Variants in NOXRED1 observed in about 807,000 individuals in gnomAD.
The protein encoded by NOXRED1 is NADP-dependent oxidoreductase domain-containing protein 1.
In NOXRED1, 20 loss-of-function variants were observed where a neutral mutation model predicts 30.4. That is an observed-to-expected ratio of 0.66 (90% CI 0.46 to 0.96). NOXRED1 has a LOEUF of 0.96. Among genes scored for constraint, NOXRED1 ranks in the 40% least tolerant of loss-of-function variants. The pLI, the probability that NOXRED1 is intolerant of heterozygous loss-of-function variation, is 0.00. For missense variants in NOXRED1, 374 were observed against 428.0 expected (o/e 0.87, Z 1.11); for synonymous variants, 155 against 168.0 (o/e 0.92, Z 0.60).
At position 77,394,427 on chromosome 14, in the gene NOXRED1, G is replaced by A. The variant is rs1183089982; in HGVS notation, c.*204C>T. The A allele has an allele frequency of 2.5e-6, 1 of 392,912 alleles. No homozygotes were observed. Among genetic ancestry groups the A allele is most frequent in the Non-Finnish European group, 4.5e-6 (1 of 221,956 alleles). 24.3% of individuals were successfully genotyped at this position (392,912 alleles called of 1,614,324 possible). On this transcript the variant is annotated 3_prime_UTR_variant, in exon 6 of 6. Coordinates refer to ENST00000380835, the MANE Select transcript of NOXRED1 (RefSeq NM_001113475.3). ...GTGTAGTTTCACTAGTTGCTTCTGAGAGCCAGATACATATTGATGGATAGG... is the reference window on the plus strand; with the variant it reads ...GTGTAGTTTCACTAGTTGCTTCTGAAAGCCAGATACATATTGATGGATAGG...
intron 5 of NOXRED1, among the ~76,000 whole-genome samples, chr14:77,397,331 T>G (rs1232282564): frequency 6.6e-6 from 1 of 152,226 alleles, no homozygotes; most frequent in Non-Finnish European, 1.5e-5. Context: ...ATAACATTCT[T>G]GAAATGACAA....
chr14:77,406,917 G>A (rs780901472), intron 3 of NOXRED1, 42 bp from the exon 4 acceptor site: 1 of 1,573,428 alleles, frequency 6.4e-7, no homozygotes. Context: ...GCCAGGACTG[G>A]AATAAATGAC....
intron 2 of NOXRED1, among the ~76,000 whole-genome samples, chr14:77,412,619 T>A (rs1210497456): frequency 2.6e-5 from 4 of 152,120 alleles, no homozygotes; most frequent in Non-Finnish European, 5.9e-5. Flanking sequence ...TTCAAGTGAT[T>A]TGCCTGCCTC....
In NOXRED1 at chr14:77,423,135, G is replaced by C; in HGVS notation, c.-246C>G. 1 of 429,646 alleles carries C rather than the reference G, an allele frequency of 2.3e-6. No individual in the cohort carries two copies. The highest frequency in any genetic ancestry group is 4.1e-6 in the Non-Finnish European group (1 of 243,196). The allele number at this position is 429,646 out of a possible 1,614,324, so 26.6% of individuals were successfully genotyped here. ...TAATCACTGGCTGCCCATGAATCCT[G>C]GACTCATGAAAAACCTGTACAGAAA... On this transcript the variant is annotated 5_prime_UTR_variant, in exon 1 of 6. Transcript: ENST00000380835.
chr14:77,421,741 C>G (rs1248275718), intron 1 of NOXRED1, among the ~76,000 whole-genome samples: 1 of 152,172 alleles, frequency 6.6e-6, no homozygotes, highest in Non-Finnish European at 1.5e-5. Context: ...GGTATACTTT[C>G]GTTGCTATAT....
At chr14:77,408,219 T>A (rs1408491372) in intron 2 of NOXRED1, among the ~76,000 whole-genome samples, 1 of 151,934 alleles carries the variant, frequency 6.6e-6, no homozygotes, top group Non-Finnish European at 1.5e-5. Context: ...TTTTTCCAAT[T>A]TTTTTTTAAG....
intron 4 of NOXRED1, 64 bp from the exon 5 acceptor site, chr14:77,406,199 G>C (rs1254558448): frequency 3.4e-6 from 4 of 1,180,194 alleles, no homozygotes; most frequent in Non-Finnish European, 5.0e-6. Flanking sequence ...AGAAAACCTA[G>C]AATAAACCCC....
At chr14:77,401,406 TCAGAA>T (rs1238639076) in intron 5 of NOXRED1, among the ~76,000 whole-genome samples, 2 of 150,358 alleles carry the variant, frequency 1.3e-5, no homozygotes, top group Non-Finnish European at 3.0e-5. Flanking sequence ...AGCAAAAGAC[TCAGAA>T]CAGGCTGGGT....
rs868323067 is a variant in NOXRED1 at position 77,406,861 on chromosome 14, A to G, written c.545T>C (p.Leu182Ser). 6.2e-7 allele frequency: 1 copy of G among 1,613,960 alleles called. No individual in the cohort carries two copies. The highest frequency in any genetic ancestry group is 8.5e-7 in the Non-Finnish European group (1 of 1,179,936). ...AGGCCGCAAGATATTGGTGTGGTTC[A>G]ACAGTAGTTTCAGCCTGGAAGTAAA... ...AIPLPRLKLLLNHTNILRPQY... is the reference protein window; with the variant it reads ...AIPLPRLKLLSNHTNILRPQY... The change falls in exon 4 of 6, where the codon TTG becomes TCG. Residue 182 changes from leucine to serine, a missense_variant. Transcript: ENST00000380835.
chr14:77,408,902 T>TTTTTTTTTTTTTTTTTTTTTG, intron 2 of NOXRED1, among the ~76,000 whole-genome samples: 1 of 130,818 alleles, frequency 7.6e-6, no homozygotes, highest in Non-Finnish European at 1.6e-5. Context: ...ATTTTTTTTT[T>TTTTTTTTTTTTTTTTTTTTTG]TTTTTTTTTT....
At chr14:77,402,054 G>A (rs1377387538) in intron 5 of NOXRED1, among the ~76,000 whole-genome samples, 1 of 152,164 alleles carries the variant, frequency 6.6e-6, no homozygotes, top group Non-Finnish European at 1.5e-5. Flanking sequence ...TGTGTCACAT[G>A]CAGAACTATA....
At position 77,397,444 on chromosome 14, in the gene NOXRED1, T is replaced by C. The variant is rs76803781; in HGVS notation, c.906-2639A>G. Among the ~76,000 whole-genome samples the C allele has an allele frequency of 7.7e-3, 1,168 of 152,354 alleles. 9 individuals are homozygous for C. The highest frequency in any genetic ancestry group is 0.027 in the African/African-American group (1,118 of 41,568). ...AAAGAACTGTTCTATATCTTAACTGTATCAATGTCAGTATCCTGGCTGTGA... is the reference window on the plus strand; with the variant it reads ...AAAGAACTGTTCTATATCTTAACTGCATCAATGTCAGTATCCTGGCTGTGA... On this transcript the variant is annotated intron_variant, in intron 5 of 5. Transcript: ENST00000380835.
At chr14:77,406,680 A>G in intron 4 of NOXRED1, 44 bp downstream of exon 4, 1 of 1,585,480 alleles carries the variant, frequency 6.3e-7, no homozygotes, top group South Asian at 1.1e-5. Flanking sequence ...GGCCAACAGG[A>G]AAGTAATTTT....
At chr14:77,411,959 G>T (rs1309534684) in intron 2 of NOXRED1, among the ~76,000 whole-genome samples, 4 of 151,976 alleles carry the variant, frequency 2.6e-5, no homozygotes, top group African/African-American at 9.7e-5. Context: ...GCTGGGTGTG[G>T]TGGCGTATGC....
intron 5 of NOXRED1, among the ~76,000 whole-genome samples, chr14:77,402,109 C>T (rs1445832351): frequency 2.0e-5 from 3 of 152,096 alleles, no homozygotes; most frequent in Non-Finnish European, 4.4e-5. Context: ...ATGATCTTGG[C>T]TTTGGCAGTG....
chr14:77,398,189 A>C (rs551909932), intron 5 of NOXRED1, among the ~76,000 whole-genome samples: 1 of 152,168 alleles, frequency 6.6e-6, no homozygotes, highest in African/African-American at 2.4e-5. Flanking sequence ...AGAGTGGACA[A>C]GTCTGAGAAT....
chr14:77,401,914 C>G (rs931534358), intron 5 of NOXRED1, among the ~76,000 whole-genome samples: 1 of 152,090 alleles, frequency 6.6e-6, no homozygotes, highest in Non-Finnish European at 1.5e-5. Context: ...GACAAAGGAG[C>G]AAAAGCAATA....
chr14:77,425,990 C>CTGAA (rs981682974), upstream of NOXRED1, among the ~76,000 whole-genome samples: 1 of 152,160 alleles, frequency 6.6e-6, no homozygotes, highest in Non-Finnish European at 1.5e-5. Flanking sequence ...ACTCAGGAGG[C>CTGAA]TGAAGCAGGA....
intron 5 of NOXRED1, among the ~76,000 whole-genome samples, chr14:77,395,358 G>A (rs530036803): frequency 3.3e-5 from 5 of 151,894 alleles, no homozygotes; most frequent in South Asian, 4.2e-4. Flanking sequence ...TGCCCGTCTC[G>A]GCCTCCCAAA....
Sources: gnomAD v4.1 joint callset for allele counts (sites outside exome capture counted in the v4.1 genomes callset) on GRCh38, gnomAD v4.1.1 for gene constraint, MANE v1.5 for transcripts, NCBI Gene and HGNC (gene_info 2026-07-23, HGNC 2026-07-21) for gene names.